The following LYL1 variants were observed in gnomAD, a reference collection of about 807,000 sequenced individuals.
LYL1 encodes LYL1 basic helix-loop-helix family member, also known as protein lyl-1.
In LYL1, 4 loss-of-function variants were observed where a neutral mutation model predicts 11.1. The ratio of observed to expected loss-of-function variants is 0.36; its 90% CI spans 0.18 to 0.82. The LOEUF is 0.82. Among genes scored for constraint, LYL1 ranks in the 40% least tolerant of loss-of-function variants. The pLI is 0.49. For missense variants in LYL1, 356 were observed against 397.6 expected (o/e 0.90, Z 0.89); for synonymous variants, 179 against 174.8 (o/e 1.02, Z -0.19).
Position 13,101,510 on chromosome 19 carries a change from C to T in LYL1, c.-24-315G>A, listed in dbSNP as rs1388333290. On this transcript the variant is annotated intron_variant, in intron 1 of 3. Transcript: ENST00000264824. The surrounding 1 kb of genome is among the most constrained non-coding windows in gnomAD (Gnocchi z 5.1). ...TCCTTCTTCCAGAATTCCCTCACCT[C>T]TGCAGCCTGGAGAGGGAACAAGACA... 3.4e-6 allele frequency: 1 copy of T among 298,302 alleles called. No individual in the cohort carries two copies. Among genetic ancestry groups the T allele is most frequent in the Non-Finnish European group, 6.2e-6 (1 of 161,478 alleles). The allele number at this position is 298,302 out of a possible 1,614,324, so 18.5% of individuals were successfully genotyped here. A position where few individuals can be genotyped will look rare whatever the true frequency, so the allele number is the denominator to read the frequency against.
Position 13,099,670 on chromosome 19 carries a change from C to G in LYL1, c.492G>C (p.Gln164His). Residue 164 changes from glutamine (Q) to histidine (H), a missense_variant, in exon 4 of 4, where the codon CAG becomes CAC. Physicochemically the swap from Gln to His is conservative, Grantham distance 24. Coordinates refer to ENST00000264824, the MANE Select transcript of LYL1 (RefSeq NM_005583.5). The surrounding 1 kb of genome is among the most constrained non-coding windows in gnomAD (Gnocchi z 5.3). Reference sequence around the variant, plus strand: ...GCTCGGCGAAGGCGCCGTTAACGTTCTGCTGCCGCCAGCGCTCCCGGCTGT... The same window carrying G: ...GCTCGGCGAAGGCGCCGTTAACGTTGTGCTGCCGCCAGCGCTCCCGGCTGT... ...FTNSRERWRQ[Q>H]NVNGAFAELR... is the part of the protein sequence containing the mutation. 1 of 1,547,548 alleles carries G rather than the reference C, an allele frequency of 6.5e-7. No individual in the cohort carries two copies. Among genetic ancestry groups the G allele is most frequent in the Non-Finnish European group, 8.7e-7 (1 of 1,146,202 alleles).
chr19:13,101,449 A>G lies in LYL1; in HGVS notation c.-24-254T>C, dbSNP rs1190064745. On this transcript the variant is annotated intron_variant, in intron 1 of 3. Transcript: ENST00000264824. This position sits in a 1 kb window ranked among gnomAD's most constrained non-coding sequence, Gnocchi z 5.1. Reference sequence around the variant, plus strand: ...ACTGTCCCTGAGCTCTTTGTGACCCAGGAGGGGCGCTGTTGCCCAGCCTCT... The same window carrying G: ...ACTGTCCCTGAGCTCTTTGTGACCCGGGAGGGGCGCTGTTGCCCAGCCTCT... 5.2e-5 allele frequency: 20 copies of G among 381,900 alleles called. No homozygotes were observed. The allele number at this position is 381,900 out of a possible 1,614,324, so 23.7% of individuals were successfully genotyped here. A position where few individuals can be genotyped will look rare whatever the true frequency, so the allele number is the denominator to read the frequency against.
At position 13,100,817 on chromosome 19, in the gene LYL1, C is replaced by T; in HGVS notation, c.335+20G>A. On this transcript the variant is annotated intron_variant, in intron 2 of 3. Coordinates refer to ENST00000264824, the MANE Select transcript of LYL1 (RefSeq NM_005583.5). ...CTGGCCCCCAATCCCCACTGCCCCC[C>T]ACCCCAGATCCCCACTGACCTGTTG... 1 of 1,591,896 alleles carries T rather than the reference C, an allele frequency of 6.3e-7. No individual in the cohort carries two copies. The highest frequency in any genetic ancestry group is 2.3e-5 in the East Asian group (1 of 43,844).
In LYL1 at chr19:13,100,922, G is replaced by A. The variant is rs199858890; in HGVS notation, c.250C>T (p.Arg84Trp). ...GTGGAGAGTTGCAGCAGCGGGGGCC[G>A]CAGAGTGCCCAGCTCTGTGGTGGGC... The part of the protein sequence containing the change: ...AMPTTELGTL[R>W]PPLLQLSTLG... The change falls in exon 2 of 4, where the codon CGG becomes TGG. Residue 84 changes from arginine (R) to tryptophan (W), a missense_variant. Coordinates refer to ENST00000264824, the MANE Select transcript of LYL1 (RefSeq NM_005583.5). The A allele has an allele frequency of 4.1e-5, 64 of 1,545,850 alleles. No homozygotes were observed. In the East Asian group the frequency reaches 8.3e-4, roughly 20 times the overall value.
At position 13,099,861 on chromosome 19, in the gene LYL1, A is replaced by G. The variant is rs1033894488; in HGVS notation, c.428-127T>C. The G allele has an allele frequency of 1.2e-6, 1 of 822,062 alleles. No individual in the cohort carries two copies. Among genetic ancestry groups the G allele is most frequent in the Non-Finnish European group, 1.8e-6 (1 of 570,654 alleles). 50.9% of individuals were successfully genotyped at this position (822,062 alleles called of 1,614,324 possible). ...CATGGGCTGGGGCTTTCTCCACCCA[A>G]GGGGTCCACGGGCAGCTCTCCCCAC... On this transcript the variant is annotated intron_variant, in intron 3 of 3. Transcript: ENST00000264824. This position sits in a 1 kb window ranked among gnomAD's most constrained non-coding sequence, Gnocchi z 5.3.
Position 13,099,732 on chromosome 19 carries a change from GC to G in LYL1, c.429del (p.His144ThrfsTer30). 6.7e-7 allele frequency: 1 copy of G among 1,488,512 alleles called. No homozygotes were observed. Among genetic ancestry groups the G allele is most frequent in the Non-Finnish European group, 9.0e-7 (1 of 1,113,444 alleles). 92.2% of individuals were successfully genotyped at this position (1,488,512 alleles called of 1,614,324 possible). ...PSHCELDLAE[G>X]HQPQKVARRV... ...CGCCGGGCCACCTTCTGGGGCTGGT[GC>G]CCTGTGGACAAGGAGGGCCGGGTTG... On this transcript the variant is annotated frameshift_variant and splice_region_variant, in exon 4 of 4. Coordinates refer to ENST00000264824, the MANE Select transcript of LYL1 (RefSeq NM_005583.5). LOFTEE classifies it low-confidence loss of function (END_TRUNC). This position sits in a 1 kb window ranked among gnomAD's most constrained non-coding sequence, Gnocchi z 5.3.
Position 13,101,940 on chromosome 19 carries a change from C to T in LYL1, c.-25+591G>A, listed in dbSNP as rs1293210469. 4.3e-6 allele frequency: 1 copy of T among 232,102 alleles called. No homozygotes were observed. The highest frequency in any genetic ancestry group is 5.6e-5 in the Admixed American group (1 of 17,760). 14.4% of individuals were successfully genotyped at this position (232,102 alleles called of 1,614,324 possible). ...CCCAACCCTCCCTCTGGCTTGGAAG[C>T]CCCCATCCTCATCAGCATCCACGCT... is the stretch of plus-strand genomic sequence containing the variant. On this transcript the variant is annotated intron_variant, in intron 1 of 3. Transcript: ENST00000264824. This position sits in a 1 kb window ranked among gnomAD's most constrained non-coding sequence, Gnocchi z 5.1.
chr19:13,099,147 G>A lies in LYL1; in HGVS notation c.*172C>T. 1 of 522,828 alleles carries A rather than the reference G, an allele frequency of 1.9e-6. No individual in the cohort carries two copies. The highest frequency in any genetic ancestry group is 2.9e-6 in the Non-Finnish European group (1 of 342,626). 32.4% of individuals were successfully genotyped at this position (522,828 alleles called of 1,614,324 possible). A position where few individuals can be genotyped will look rare whatever the true frequency, so the allele number is the denominator to read the frequency against. On this transcript the variant is annotated 3_prime_UTR_variant, in exon 4 of 4. Transcript: ENST00000264824. This position sits in a 1 kb window ranked among gnomAD's most constrained non-coding sequence, Gnocchi z 5.3. ...TTTTTAAGGGTCTGCGGGTCCCTTG[G>A]GGGTCGATGATCACCCTTCCGGACC...
intron 3 of LYL1, among the ~76,000 whole-genome samples, chr19:13,100,072 C>G (rs1050064447): frequency 6.6e-6 from 1 of 152,244 alleles, no homozygotes; most frequent in Non-Finnish European, 1.5e-5. Flanking sequence ...CCAAGTACGG[C>G]TGGCTGGGTG....
At position 13,099,690 on chromosome 19, in the gene LYL1, G is replaced by A. The variant is rs2018649514; in HGVS notation, c.472C>T (p.Arg158Trp). 4 of 1,546,556 alleles carry A rather than the reference G, an allele frequency of 2.6e-6. No individual in the cohort carries two copies. The highest frequency in any genetic ancestry group is 3.5e-6 in the Non-Finnish European group (4 of 1,145,532). Residue 158 changes from arginine to tryptophan, a missense_variant, in exon 4 of 4, where the codon CGG becomes TGG. Arg to Trp is a moderately radical substitution (Grantham distance 101). Coordinates refer to ENST00000264824, the MANE Select transcript of LYL1 (RefSeq NM_005583.5). This position sits in a 1 kb window ranked among gnomAD's most constrained non-coding sequence, Gnocchi z 5.3. ...KVARRVFTNSRERWRQQNVNG... is the reference protein window; with the variant it reads ...KVARRVFTNSWERWRQQNVNG... Reference sequence around the variant, plus strand: ...ACGTTCTGCTGCCGCCAGCGCTCCCGGCTGTTGGTGAACACGCGCCGGGCC... The same window carrying A: ...ACGTTCTGCTGCCGCCAGCGCTCCCAGCTGTTGGTGAACACGCGCCGGGCC...
rs1310300979 is a variant in LYL1 at position 13,101,394 on chromosome 19, AG to A, written c.-24-200del. 2.9e-4 allele frequency: 125 copies of A among 426,668 alleles called. No individual in the cohort carries two copies. Among genetic ancestry groups the A allele is most frequent in the Middle Eastern group, 1.2e-3 (2 of 1,698 alleles). 26.4% of individuals were successfully genotyped at this position (426,668 alleles called of 1,614,324 possible). A position where few individuals can be genotyped will look rare whatever the true frequency, so the allele number is the denominator to read the frequency against. ...CGGGAGGGGGGTCCTACGTTAGAGT[AG>A]GAGGCGCCCCCCAGGTGCTAGGCAG... On this transcript the variant is annotated intron_variant, in intron 1 of 3. Transcript: ENST00000264824. This position sits in a 1 kb window ranked among gnomAD's most constrained non-coding sequence, Gnocchi z 5.1.
intron 3 of LYL1, 123 bp downstream of exon 3, chr19:13,100,534 C>T (rs2018670106): frequency 8.7e-6 from 8 of 916,092 alleles, no homozygotes; most frequent in South Asian, 4.1e-5. Flanking sequence ...GCTGGAAGCA[C>T]GTCTCCCCGA....
chr19:13,099,254 C>A lies in LYL1; in HGVS notation c.*65G>T. On this transcript the variant is annotated 3_prime_UTR_variant, in exon 4 of 4. Transcript: ENST00000264824. The surrounding 1 kb of genome is among the most constrained non-coding windows in gnomAD (Gnocchi z 5.3). ...GAACATGCGCAGCACGTCCACTGCC[C>A]TTTCCTTGACGGCCCTGGGCCGAGT... 8.2e-7 allele frequency: 1 copy of A among 1,222,804 alleles called. No individual in the cohort carries two copies. Among genetic ancestry groups the A allele is most frequent in the Non-Finnish European group, 1.0e-6 (1 of 978,562 alleles). 75.7% of individuals were successfully genotyped at this position (1,222,804 alleles called of 1,614,324 possible).
In LYL1 at chr19:13,101,109, C is replaced by T. The variant is rs764330099; in HGVS notation, c.63G>A (p.Val21=). ...GGGCAGGCGCTGGGCTGGGGGCACA[C>T]ACCATCTCTGCCTTCTCAGTCATGG... The part of the protein sequence containing the change: ...GPTMTEKAEM[V]CAPSPAPAPP... Residue 21 remains valine (V), a synonymous_variant, in exon 2 of 4, where the codon GTG becomes GTA. Transcript: ENST00000264824. The surrounding 1 kb of genome is among the most constrained non-coding windows in gnomAD (Gnocchi z 5.1). 2.6e-5 allele frequency: 38 copies of T among 1,490,152 alleles called. No homozygotes were observed. Among genetic ancestry groups the T allele is most frequent in the Non-Finnish European group, 3.3e-5 (37 of 1,123,254 alleles). The allele number at this position is 1,490,152 out of a possible 1,614,324, so 92.3% of individuals were successfully genotyped here.
chr19:13,100,914 CG>C lies in LYL1; in HGVS notation c.257del (p.Pro86ArgfsTer44). On this transcript the variant is annotated frameshift_variant, in exon 2 of 4. Coordinates refer to ENST00000264824, the MANE Select transcript of LYL1 (RefSeq NM_005583.5). LOFTEE classifies it high-confidence loss of function. ...TTCCCAGGGTGGAGAGTTGCAGCAG[CG>C]GGGGCCGCAGAGTGCCCAGCTCTGT... ...PTTELGTLRP[P>X]LLQLSTLGTA... 1.3e-6 allele frequency: 2 copies of C among 1,550,312 alleles called. No homozygotes were observed. The highest frequency in any genetic ancestry group is 1.7e-6 in the Non-Finnish European group (2 of 1,146,452).
In LYL1 at chr19:13,100,781, G is replaced by A. The variant is rs1264280587; in HGVS notation, c.336-33C>T. 2.5e-6 allele frequency: 4 copies of A among 1,612,796 alleles called. No individual in the cohort carries two copies. In the South Asian group the frequency reaches 4.4e-5, roughly 18 times the overall value. The stretch of plus-strand genomic sequence containing the variant: ...GGGTCGTGGGTCACTAATGCCTTGT[G>A]GGCAAGGACCCTGGCCCCCAATCCC... On this transcript the variant is annotated intron_variant, in intron 2 of 3. Transcript: ENST00000264824.
chr19:13,099,667 G>A lies in LYL1; in HGVS notation c.495C>T (p.Asn165=), dbSNP rs775685476. ...TNSRERWRQQ[N]VNGAFAELRK... ...TCAGCTCGGCGAAGGCGCCGTTAAC[G>A]TTCTGCTGCCGCCAGCGCTCCCGGC... The change falls in exon 4 of 4, where the codon AAC becomes AAT. Residue 165 remains asparagine (N), a synonymous_variant. Coordinates refer to ENST00000264824, the MANE Select transcript of LYL1 (RefSeq NM_005583.5). This position sits in a 1 kb window ranked among gnomAD's most constrained non-coding sequence, Gnocchi z 5.3. 3 of 1,549,214 alleles carry A rather than the reference G, an allele frequency of 1.9e-6. No individual in the cohort carries two copies. Among genetic ancestry groups the A allele is most frequent in the South Asian group, 2.4e-5 (2 of 83,302 alleles).
rs765728103 is a variant in LYL1, at chr19:13,099,483, C to T, written c.679G>A (p.Val227Met). ...PTPPGPRKRP[V>M]HRVPDDGARR... ...GCGCCGTCGTCTGGGACCCGGTGCA[C>T]CGGCCGTTTGCGAGGCCCGGGAGGG... Residue 227 changes from valine (V) to methionine (M), a missense_variant, in exon 4 of 4, where the codon GTG (valine) becomes ATG (methionine). By Grantham distance (21) the Val-to-Met change is conservative. Transcript: ENST00000264824. This position sits in a 1 kb window ranked among gnomAD's most constrained non-coding sequence, Gnocchi z 5.3. The T allele has an allele frequency of 1.7e-5, 22 of 1,325,692 alleles. No individual in the cohort carries two copies. The Middle Eastern group carries it at 8.0e-4, about 48-fold the overall frequency. The allele number at this position is 1,325,692 out of a possible 1,614,324, so 82.1% of individuals were successfully genotyped here.
chr19:13,101,422 G>A lies in LYL1; in HGVS notation c.-24-227C>T, dbSNP rs1463600742. 2.6e-5 allele frequency: 11 copies of A among 415,626 alleles called. No homozygotes were observed. Among genetic ancestry groups the A allele is most frequent in the Admixed American group, 2.1e-4 (5 of 23,488 alleles). 25.7% of individuals were successfully genotyped at this position (415,626 alleles called of 1,614,324 possible). ...AGGCGCCCCCCAGGTGCTAGGCAGC[G>A]CACTGTCCCTGAGCTCTTTGTGACC... On this transcript the variant is annotated intron_variant, in intron 1 of 3. Coordinates refer to ENST00000264824, the MANE Select transcript of LYL1 (RefSeq NM_005583.5). The surrounding 1 kb of genome is among the most constrained non-coding windows in gnomAD (Gnocchi z 5.1).
Sources: gnomAD v4.1 joint callset for allele counts (sites outside exome capture counted in the v4.1 genomes callset) on GRCh38, gnomAD v4.1.1 for gene constraint, Gnocchi (gnomAD v3.1) non-coding constraint, MANE v1.5 for transcripts, NCBI Gene and HGNC (gene_info 2026-07-23, HGNC 2026-07-21) for gene names.